The following UBE2D2 variants were observed in gnomAD, a reference collection of about 807,000 sequenced individuals.
UBE2D2 encodes the protein ubiquitin-conjugating enzyme E2 D2.
A neutral mutation model predicts 24.2 loss-of-function variants in UBE2D2; 2 were observed. That is an observed-to-expected ratio of 0.08 (90% confidence interval 0.03 to 0.26). The LOEUF (loss-of-function observed/expected upper bound fraction) is 0.26. Ranked by LOEUF, UBE2D2 falls within the 10% of genes least tolerant of loss-of-function variation. The probability of loss-of-function intolerance (pLI) is 1.00; values close to 1 mark genes in which losing one functional copy is unlikely to be tolerated. For missense variants in UBE2D2, 44 were observed against 177.6 expected (o/e 0.25, Z 4.28); for synonymous variants, 58 against 56.5 (o/e 1.03, Z -0.12).
chr5:139,565,016 A>T (rs772178157), intron 1 of UBE2D2, among the ~76,000 whole-genome samples: 11 of 152,154 alleles, frequency 7.2e-5, no homozygotes, highest in Non-Finnish European at 1.3e-4. Context: ...CTGTCCTAGT[A>T]ATGTGTCTGC....
intron 1 of UBE2D2, chr5:139,562,231 A>C: frequency 7.3e-7 from 1 of 1,368,122 alleles, no homozygotes; most frequent in Non-Finnish European, 9.7e-7. Context: ...CCCTCCTCCC[A>C]CACCTGCCCT....
chr5:139,531,476 A>G (rs10056449), intron 1 of UBE2D2, among the ~76,000 whole-genome samples: 451 of 152,228 alleles, frequency 3.0e-3, no homozygotes, highest in African/African-American at 0.01. Flanking sequence ...TCGGATTTTA[A>G]GGCAGTAGCT....
At chr5:139,568,568 G>C in intron 1 of UBE2D2, among the ~76,000 whole-genome samples, 1 of 152,116 alleles carries the variant, frequency 6.6e-6, no homozygotes, top group East Asian at 1.9e-4. Context: ...TGAGGCAGGA[G>C]AATGGCGTGA....
Position 139,540,484 on chromosome 5 carries a change from T to C in UBE2D2, c.-64+13872T>C, listed in dbSNP as rs549850313. 3.7e-3 allele frequency among the ~76,000 whole-genome samples: 541 copies of C among 145,162 alleles called. 5 individuals are homozygous for C. Among genetic ancestry groups the C allele is most frequent in the African/African-American group, 0.013 (505 of 38,556 alleles). Reference sequence around the variant, plus strand: ...TGGCGTGAACCCGGGAGGTGGAGCTTGCAGTGAGCCAAGATTGTGCCACTG... The same window carrying C: ...TGGCGTGAACCCGGGAGGTGGAGCTCGCAGTGAGCCAAGATTGTGCCACTG... On this transcript the variant is annotated intron_variant, in intron 1 of 6. Coordinates refer to the UBE2D2 transcript ENST00000511725.
At chr5:139,584,089 C>T (rs934631596) in intron 1 of UBE2D2, among the ~76,000 whole-genome samples, 1 of 152,202 alleles carries the variant, frequency 6.6e-6, no homozygotes, top group Non-Finnish European at 1.5e-5. Flanking sequence ...TCATTACGGA[C>T]TCATCCAGAG....
chr5:139,585,566 C>A (rs1753711123), intron 1 of UBE2D2, among the ~76,000 whole-genome samples: 1 of 151,976 alleles, frequency 6.6e-6, no homozygotes. Context: ...GGTGATTGGG[C>A]TGAATGGACT....
intron 1 of UBE2D2, among the ~76,000 whole-genome samples, chr5:139,588,076 G>C (rs993116914): frequency 6.6e-6 from 1 of 152,066 alleles, no homozygotes; most frequent in Non-Finnish European, 1.5e-5. Flanking sequence ...TGATCCCCCA[G>C]CCTCAGCCTC....
At chr5:139,572,054 A>G (rs545938551) in intron 1 of UBE2D2, among the ~76,000 whole-genome samples, 3 of 152,258 alleles carry the variant, frequency 2.0e-5, no homozygotes, top group Admixed American at 1.3e-4. Context: ...AGAATAGTCT[A>G]TTCACTGTTC....
At chr5:139,624,759 C>T (rs149044664) in intron 6 of UBE2D2, among the ~76,000 whole-genome samples, 39 of 152,310 alleles carry the variant, frequency 2.6e-4, no homozygotes, top group African/African-American at 8.7e-4. Context: ...TCAGCCTGGG[C>T]GACAGAGCAA....
chr5:139,600,112 C>A, intron 1 of UBE2D2: 2 of 497,394 alleles, frequency 4.0e-6, no homozygotes, highest in South Asian at 1.9e-5. Context: ...ATACATGACA[C>A]ATGTTTTACC....
intron 1 of UBE2D2, among the ~76,000 whole-genome samples, chr5:139,552,605 A>G (rs1328045250): frequency 2.4e-5 from 3 of 123,258 alleles, no homozygotes; most frequent in African/African-American, 9.6e-5. Flanking sequence ...GCCTCCTGGG[A>G]TCAAGTGATT....
At chr5:139,557,730 G>A (rs1753001207), upstream of UBE2D2, among the ~76,000 whole-genome samples, 1 of 152,106 alleles carries the variant, frequency 6.6e-6, no homozygotes, top group South Asian at 2.1e-4. Context: ...CTCGGCAATA[G>A]AGTGAGAGTC....
intron 1 of UBE2D2, among the ~76,000 whole-genome samples, chr5:139,565,428 A>G (rs1477808088): frequency 2.0e-5 from 3 of 152,134 alleles, no homozygotes; most frequent in Non-Finnish European, 4.4e-5. Context: ...GATTGTTGGT[A>G]TCTACACCAC....
chr5:139,587,201 C>A (rs1404167919), intron 1 of UBE2D2, among the ~76,000 whole-genome samples: 1 of 152,160 alleles, frequency 6.6e-6, no homozygotes, highest in Non-Finnish European at 1.5e-5. Flanking sequence ...TAGGATGAAC[C>A]CAGGCACTTA....
intron 1 of UBE2D2, among the ~76,000 whole-genome samples, chr5:139,580,332 T>C (rs988660966): frequency 7.2e-5 from 11 of 152,140 alleles, no homozygotes; most frequent in African/African-American, 2.7e-4. Flanking sequence ...TCCAAAGTGC[T>C]GAGATTACAG....
At chr5:139,616,464 G>A (rs1000298241) in intron 5 of UBE2D2, among the ~76,000 whole-genome samples, 1 of 152,208 alleles carries the variant, frequency 6.6e-6, no homozygotes, top group Non-Finnish European at 1.5e-5. Flanking sequence ...GGATTAATAT[G>A]TTTAAAATAT....
chr5:139,621,109 A>T (rs1022698752), intron 5 of UBE2D2, among the ~76,000 whole-genome samples: 3 of 152,172 alleles, frequency 2.0e-5, no homozygotes, highest in Non-Finnish European at 4.4e-5. Context: ...TTAGCTACAC[A>T]TGGTGGCACT....
chr5:139,585,135 C>A lies in UBE2D2; in HGVS notation c.25-15237C>A, dbSNP rs141934990. 7.8e-3 allele frequency among the ~76,000 whole-genome samples: 1,177 copies of A among 151,324 alleles called. 8 individuals are homozygous for A. The highest frequency in any genetic ancestry group is 0.041 in the Middle Eastern group (12 of 292). Reference sequence around the variant, plus strand: ...GGCTGGTCTCGAACTCCGCACCTCACATGATCCACCCACCTCAGCCTCCCA... The same window carrying A: ...GGCTGGTCTCGAACTCCGCACCTCAAATGATCCACCCACCTCAGCCTCCCA... On this transcript the variant is annotated intron_variant, in intron 1 of 6. Transcript: ENST00000398733.
chr5:139,581,999 T>G (rs367764470), intron 1 of UBE2D2, among the ~76,000 whole-genome samples: 21 of 151,758 alleles, frequency 1.4e-4, no homozygotes, highest in African/African-American at 4.4e-4. Context: ...TTTTGTTTTT[T>G]TTTGAAGATA....
Sources: allele counts gnomAD v4.1 joint callset (sites outside exome capture counted in the v4.1 genomes callset), GRCh38; gene constraint gnomAD v4.1.1; transcripts MANE v1.5; gene names NCBI Gene and HGNC (gene_info 2026-07-23, HGNC 2026-07-21).